The following NLRC4 variants were observed in gnomAD, a reference collection of about 807,000 sequenced individuals.
NLRC4 encodes the protein NLR family CARD domain containing 4, also known as NLR family CARD domain-containing protein 4.
Under a neutral mutation model 79.9 loss-of-function variants are expected in NLRC4, and 63 were observed. The ratio of observed to expected loss-of-function variants is 0.79; its 90% CI spans 0.64 to 0.97. NLRC4 has a LOEUF of 0.97. NLRC4 is among the 50% of genes least tolerant of loss of function. NLRC4 has a pLI of 0.00. For synonymous variants in NLRC4, 461 were observed against 456.5 expected, an observed-to-expected ratio of 1.01 and a Z score of -0.12; for missense variants, 1,074 against 1,215.2, an observed-to-expected ratio of 0.88 and a Z score of 1.73.
At chr2:32,263,711 C>T (rs1687403548) in intron 1 of NLRC4, among the ~76,000 whole-genome samples, 1 of 152,190 alleles carries the variant, frequency 6.6e-6, no homozygotes, top group African/African-American at 2.4e-5. Flanking sequence ...CTGCTGACAC[C>T]TTGGTCTTGG....
intron 8 of NLRC4, among the ~76,000 whole-genome samples, chr2:32,231,572 T>TGCGGGGG (rs757448591): frequency 3.4e-5 from 2 of 59,456 alleles, no homozygotes; most frequent in Non-Finnish European, 3.0e-5. Context: ...TATTTTTTTT[T>TGCGGGGG]GTGGGGGGGG....
chr2:32,261,848 T>A (rs1265340), intron 1 of NLRC4, among the ~76,000 whole-genome samples: 2 of 151,346 alleles, frequency 1.3e-5, no homozygotes, highest in African/African-American at 4.9e-5. Flanking sequence ...TTTGGGAGGC[T>A]GAGGCAGGTG....
At chr2:32,231,226 C>T (rs1386964251) in intron 8 of NLRC4, among the ~76,000 whole-genome samples, 1 of 152,172 alleles carries the variant, frequency 6.6e-6, no homozygotes, top group Admixed American at 6.5e-5. Context: ...GCAATCTCGG[C>T]TCACTGCAAC....
intron 4 of NLRC4, among the ~76,000 whole-genome samples, chr2:32,244,553 A>AAT: frequency 6.6e-6 from 1 of 151,866 alleles, no homozygotes; most frequent in Admixed American, 6.6e-5. Flanking sequence ...GCAAAAAAAA[A>AAT]AAATAAATAA....
Position 32,224,558 on chromosome 2 carries a change from A to G in NLRC4, c.2990T>C (p.Leu997Pro), listed in dbSNP as rs1245326970. The G allele has an allele frequency of 6.2e-7, 1 of 1,613,948 alleles. No homozygotes were observed. Among genetic ancestry groups the G allele is most frequent in the Non-Finnish European group, 8.5e-7 (1 of 1,179,840 alleles). ...CCACCCAACAAGCCTAGCTTCTTGC[A>G]GAAAAGTTAACTTGGATAACACTTG... ...LSQVLSKLTF[L>P]QEARLVGWQF... The change falls in exon 9 of 9, where the codon CTG becomes CCG. Residue 997 changes from leucine to proline, a missense_variant. Transcript: ENST00000402280.
Position 32,250,512 on chromosome 2 carries a change from G to T in NLRC4, c.1352C>A (p.Ala451Glu). 2 of 1,614,212 alleles carry T rather than the reference G, an allele frequency of 1.2e-6. No individual in the cohort carries two copies. The highest frequency in any genetic ancestry group is 1.7e-6 in the Non-Finnish European group (2 of 1,180,026). ...FFHKSFQEYT[A>E]GRRLSSLLTS... ...CAATAAACTGCTGAGTCTTCGTCCT[G>T]CTGTGTACTCCTGGAATGACTTGTG... Residue 451 changes from alanine to glutamate, a missense_variant, in exon 4 of 9, where the codon GCA becomes GAA. By Grantham distance (107) the Ala-to-Glu change is moderately radical (BLOSUM62 -1). Coordinates refer to ENST00000402280, the MANE Select transcript of NLRC4 (RefSeq NM_001199138.2). The surrounding 1 kb of genome is among the most constrained non-coding windows in gnomAD (Gnocchi z 4.9).
chr2:32,252,626 C>T lies in NLRC4; in HGVS notation c.55G>A (p.Val19Ile). 6.2e-7 allele frequency: 1 copy of T among 1,613,826 alleles called. No individual in the cohort carries two copies. Among genetic ancestry groups the T allele is most frequent in the African/African-American group, 1.3e-5 (1 of 75,054 alleles). The change falls in exon 3 of 9, where the codon GTT becomes ATT. Residue 19 changes from valine to isoleucine, a missense_variant. Coordinates refer to ENST00000402280, the MANE Select transcript of NLRC4 (RefSeq NM_001199138.2). ...AGGTCATCTGTGATTTGCTTTATAA[C>T]AGTCATTCCCATTCTTTGAATAAGG... The part of the protein sequence containing the change: ...RALIQRMGMT[V>I]IKQITDDLFV...
intron 4 of NLRC4, among the ~76,000 whole-genome samples, chr2:32,248,020 G>A (rs913506668): frequency 3.3e-5 from 5 of 152,214 alleles, no homozygotes; most frequent in East Asian, 1.9e-4. Context: ...AGGTGGGAGC[G>A]TGACAGGGAG....
chr2:32,247,869 T>A (rs1330097635), intron 4 of NLRC4, among the ~76,000 whole-genome samples: 31 of 152,206 alleles, frequency 2.0e-4, no homozygotes, highest in Admixed American at 3.9e-4. Flanking sequence ...TGCAGCAACA[T>A]TGATGGAACC....
chr2:32,253,693 G>A lies in NLRC4; in HGVS notation c.2-1014C>T, dbSNP rs138474205. Among the ~76,000 whole-genome samples, 456 of 151,924 alleles carry A rather than the reference G, an allele frequency of 3.0e-3. 4 individuals carry two copies. The highest frequency in any genetic ancestry group is 0.01 in the African/African-American group (426 of 41,458). ...CAATTACGTGCTGCTGGCCGGGTGC[G>A]GTGGCTCACACCTGTAACCCCAGCA... On this transcript the variant is annotated intron_variant, in intron 2 of 8. Coordinates refer to ENST00000402280, the MANE Select transcript of NLRC4 (RefSeq NM_001199138.2).
At chr2:32,235,662 T>C in intron 7 of NLRC4, 94 bp from the exon 8 acceptor site, 11 of 1,058,760 alleles carry the variant, frequency 1.0e-5, no homozygotes, top group Non-Finnish European at 1.5e-5. Context: ...TTATGTTTGG[T>C]GGCTCTGCAG....
intron 1 of NLRC4, among the ~76,000 whole-genome samples, chr2:32,261,316 C>CTTTTTTTTTTTTTTTTTTTTTTTTTT (rs751434892): frequency 0.051 from 4,955 of 96,360 alleles, 1,211 homozygotes; most frequent in Non-Finnish European, 0.067. Flanking sequence ...AGCCTCCCCC[C>CTTTTTTTTTTTTTTTTTTTTTTTTTT]TTTTGTTTTT....
At chr2:32,254,778 C>A (rs1687166415) in intron 2 of NLRC4, among the ~76,000 whole-genome samples, 1 of 151,758 alleles carries the variant, frequency 6.6e-6, no homozygotes, top group Non-Finnish European at 1.5e-5. Context: ...GCCACCACAC[C>A]CAGCTAATTT....
chr2:32,241,197 C>G (rs1686791609), intron 4 of NLRC4, 72 bp from the exon 5 acceptor site: 3 of 899,922 alleles, frequency 3.3e-6, no homozygotes, highest in Admixed American at 4.5e-5. Context: ...CTATTACTGT[C>G]ATTTTTGTTA....
chr2:32,232,912 CAT>C (rs1418843213), intron 8 of NLRC4, among the ~76,000 whole-genome samples: 1 of 151,860 alleles, frequency 6.6e-6, no homozygotes, highest in Non-Finnish European at 1.5e-5. Context: ...ATTGCATGCT[CAT>C]AGAATGAATG....
chr2:32,256,338 T>C (rs889864724), intron 2 of NLRC4, among the ~76,000 whole-genome samples: 6 of 152,266 alleles, frequency 3.9e-5, no homozygotes, highest in African/African-American at 1.4e-4. Flanking sequence ...TTACATTTTA[T>C]TTTATTTAAA....
intron 6 of NLRC4, among the ~76,000 whole-genome samples, chr2:32,236,585 G>T (rs1349563553): frequency 6.6e-6 from 1 of 152,172 alleles, no homozygotes; most frequent in Non-Finnish European, 1.5e-5. Context: ...TCCAGGTCAC[G>T]TAGAACCTAA....
Position 32,251,279 on chromosome 2 carries a change from G to GC in NLRC4, c.584_585insG (p.Lys196GlnfsTer19). The GC allele has an allele frequency of 6.8e-6, 11 of 1,614,122 alleles. No individual in the cohort carries two copies. The highest frequency in any genetic ancestry group is 9.3e-6 in the Non-Finnish European group (11 of 1,180,022). On this transcript the variant is annotated frameshift_variant, in exon 4 of 9. Transcript: ENST00000402280. LOFTEE classifies it high-confidence loss of function. ...GGAGGAAGAAGACGAATTTGAACTT[G>GC]GTCAGAGCCTTGCACTTTCCGGAGC...
chr2:32,240,741 A>G (rs757654010), intron 5 of NLRC4, among the ~76,000 whole-genome samples: 1 of 152,180 alleles, frequency 6.6e-6, no homozygotes, highest in Admixed American at 6.5e-5. Context: ...ACTTTAAAAT[A>G]TTGTTTCTAT....
Sources: allele counts gnomAD v4.1 joint callset (sites outside exome capture counted in the v4.1 genomes callset), GRCh38; gene constraint gnomAD v4.1.1; non-coding constraint Gnocchi (gnomAD v3.1); transcripts MANE v1.5; gene names NCBI Gene and HGNC (gene_info 2026-07-23, HGNC 2026-07-21).